Variants in SHISA9 observed in about 807,000 individuals in gnomAD.
The protein encoded by SHISA9 is shisa family member 9.
SHISA9 carries 13 observed loss-of-function variants against 38.0 expected under a neutral mutation model. The observed-to-expected ratio is 0.34, with a 90% confidence interval of 0.22 to 0.54. SHISA9 has a LOEUF of 0.54. Among genes scored for constraint, SHISA9 ranks in the 20% least tolerant of loss-of-function variants. SHISA9 has a pLI of 0.91. For missense variants in SHISA9, 538 were observed against 575.8 expected (o/e 0.93, Z 0.67); for synonymous variants, 275 against 242.0 (o/e 1.14, Z -1.27).
intron 2 of SHISA9, among the ~76,000 whole-genome samples, chr16:13,142,470 C>T (rs906792423): frequency 6.6e-6 from 1 of 152,122 alleles, no homozygotes; most frequent in African/African-American, 2.4e-5. Context: ...TTGTACGCTT[C>T]TGTGGCCAGC....
chr16:13,116,129 A>G (rs1375196013), intron 2 of SHISA9, among the ~76,000 whole-genome samples: 1 of 152,040 alleles, frequency 6.6e-6, no homozygotes, highest in African/African-American at 2.4e-5. Context: ...TTACTTACTG[A>G]TCTCTGTAAC....
At chr16:13,242,179 T>C (rs2051440116), downstream of SHISA9, among the ~76,000 whole-genome samples, 1 of 152,206 alleles carries the variant, frequency 6.6e-6, no homozygotes, top group Non-Finnish European at 1.5e-5. Context: ...GCAATTCAAC[T>C]AGTAAGTGGT....
At chr16:13,449,504 A>G in the SHISA9 span, among the ~76,000 whole-genome samples, 1 of 152,216 alleles carries the variant, frequency 6.6e-6, no homozygotes, top group Non-Finnish European at 1.5e-5. Context: ...AGTGATGGGA[A>G]TACTCTATAT....
the SHISA9 span, among the ~76,000 whole-genome samples, chr16:13,465,235 AC>A: frequency 6.6e-6 from 1 of 152,172 alleles, no homozygotes; most frequent in Non-Finnish European, 1.5e-5. Context: ...AACTCTGGCA[AC>A]CAAAAATGCC....
chr16:13,386,999 G>A, the SHISA9 span, among the ~76,000 whole-genome samples: 1 of 152,186 alleles, frequency 6.6e-6, no homozygotes, highest in Non-Finnish European at 1.5e-5. Flanking sequence ...CAGATGATAT[G>A]TTGAGAGTCA....
chr16:13,476,221 A>T, the SHISA9 span, among the ~76,000 whole-genome samples: 1 of 152,102 alleles, frequency 6.6e-6, no homozygotes, highest in Admixed American at 6.5e-5. Flanking sequence ...CCAGACTTTC[A>T]AAAAGTATCA....
chr16:13,246,583 A>G, the SHISA9 span, among the ~76,000 whole-genome samples: 1 of 152,176 alleles, frequency 6.6e-6, no homozygotes, highest in Non-Finnish European at 1.5e-5. Context: ...TGTATCAGGC[A>G]CTGGGTTAGG....
the SHISA9 span, among the ~76,000 whole-genome samples, chr16:13,437,499 C>T: frequency 1.3e-5 from 2 of 151,904 alleles, no homozygotes; most frequent in Non-Finnish European, 2.9e-5. Flanking sequence ...CCCTTTTGCC[C>T]GAGGCTGAGC....
chr16:13,031,297 G>T (rs182939871), intron 2 of SHISA9, among the ~76,000 whole-genome samples: 91 of 152,266 alleles, frequency 6.0e-4, no homozygotes, highest in African/African-American at 2.0e-3. Flanking sequence ...AGAAACCCCA[G>T]TTATTCATGC....
At chr16:13,534,134 C>A in the SHISA9 span, among the ~76,000 whole-genome samples, 41 of 152,120 alleles carry the variant, frequency 2.7e-4, no homozygotes, top group African/African-American at 9.6e-4. Flanking sequence ...TCCCTCCAAC[C>A]ACCACCCCAT....
chr16:12,991,635 ACT>A (rs1377059607), intron 2 of SHISA9, among the ~76,000 whole-genome samples: 1 of 152,102 alleles, frequency 6.6e-6, no homozygotes, highest in Non-Finnish European at 1.5e-5. Context: ...AATTAACGTC[ACT>A]CTGTTCATTG....
At chr16:12,912,398 G>A (rs6498363) in intron 1 of SHISA9, among the ~76,000 whole-genome samples, 125,174 of 152,170 alleles carry the variant, frequency 0.82, 52,551 homozygotes, top group East Asian at 1. Context: ...TTCTGATTAC[G>A]TACTTTGTTA....
At chr16:13,156,569 C>T (rs2050549073) in intron 2 of SHISA9, among the ~76,000 whole-genome samples, 1 of 151,936 alleles carries the variant, frequency 6.6e-6, no homozygotes, top group Non-Finnish European at 1.5e-5. Context: ...CCCGTCTCTA[C>T]TAACAATACA....
chr16:13,172,740 G>C (rs1231073608), intron 2 of SHISA9, among the ~76,000 whole-genome samples: 1 of 129,148 alleles, frequency 7.7e-6, no homozygotes, highest in East Asian at 2.1e-4. Flanking sequence ...TTATCTTGAT[G>C]ATTTTTTTTT....
chr16:13,399,577 T>C, the SHISA9 span, among the ~76,000 whole-genome samples: 1 of 152,190 alleles, frequency 6.6e-6, no homozygotes. Context: ...TGCTGCCACA[T>C]TGCTCCTGGC....
chr16:13,288,920 G>C, the SHISA9 span, among the ~76,000 whole-genome samples: 1 of 152,114 alleles, frequency 6.6e-6, no homozygotes, highest in Non-Finnish European at 1.5e-5. Context: ...CTCCAATATA[G>C]TTACATGAAA....
chr16:13,175,196 G>A (rs962158522), intron 2 of SHISA9, among the ~76,000 whole-genome samples: 2 of 150,298 alleles, frequency 1.3e-5, no homozygotes, highest in African/African-American at 4.9e-5. Flanking sequence ...GTGAGACCCC[G>A]TCTCTCCAAA....
chr16:13,520,243 C>T, the SHISA9 span, among the ~76,000 whole-genome samples: 2 of 152,126 alleles, frequency 1.3e-5, no homozygotes, highest in Non-Finnish European at 2.9e-5. Context: ...TCAGTGAGCG[C>T]ACAGATCAAT....
the SHISA9 span, among the ~76,000 whole-genome samples, chr16:13,315,123 T>C: frequency 5.8e-4 from 89 of 152,284 alleles, no homozygotes; most frequent in African/African-American, 2.0e-3. Context: ...AAAGAGACCA[T>C]GGGCTTTGGA....
Sources: gnomAD v4.1 joint callset for allele counts (sites outside exome capture counted in the v4.1 genomes callset) on GRCh38, gnomAD v4.1.1 for gene constraint, MANE v1.5 for transcripts, NCBI Gene and HGNC (gene_info 2026-07-23, HGNC 2026-07-21) for gene names.